The following SLC1A1 variants were observed in gnomAD, a reference collection of about 807,000 sequenced individuals.
SLC1A1 encodes the protein solute carrier family 1 member 1.
In SLC1A1, 43 loss-of-function variants were observed where a neutral mutation model predicts 53.3. The observed-to-expected ratio is 0.81, with a 90% CI of 0.63 to 1.04. The LOEUF (loss-of-function observed/expected upper bound fraction) is 1.04. Among genes scored for constraint, SLC1A1 ranks in the 50% least tolerant of loss-of-function variants. The pLI is 0.00. For synonymous variants in SLC1A1, 307 were observed against 243.2 expected, an observed-to-expected ratio of 1.26 and a Z score of -2.44; for missense variants, 748 against 664.9, an observed-to-expected ratio of 1.12 and a Z score of -1.37.
chr9:4,565,990 T>A, intron 4 of SLC1A1, 57 bp from the exon 5 acceptor site: 2 of 1,264,692 alleles, frequency 1.6e-6, no homozygotes, highest in Non-Finnish European at 2.3e-6. Context: ...ATATATTAGG[T>A]ATGACAAAAC....
rs116224234 is a variant in SLC1A1, at chr9:4,517,656, A to G, written c.91+26886A>G. Reference sequence around the variant, plus strand: ...TTGCAGAGGTATGTGGGCTGAGCTCACAAAATTTAACAATTGTTTTTAGCT... The same window carrying G: ...TTGCAGAGGTATGTGGGCTGAGCTCGCAAAATTTAACAATTGTTTTTAGCT... On this transcript the variant is annotated intron_variant, in intron 1 of 11. Transcript: ENST00000262352. Among the ~76,000 whole-genome samples the G allele has an allele frequency of 5.4e-3, 818 of 152,350 alleles. 8 individuals are homozygous for G. Among genetic ancestry groups the G allele is most frequent in the African/African-American group, 0.019 (773 of 41,580 alleles).
chr9:4,492,450 C>G (rs1430154180), intron 1 of SLC1A1, among the ~76,000 whole-genome samples: 1 of 149,344 alleles, frequency 6.7e-6, no homozygotes, highest in African/African-American at 2.5e-5. Context: ...CCACTGCACT[C>G]CCGCCTGGGT....
In SLC1A1 at chr9:4,556,807, T is replaced by C. The variant is rs1355101004; in HGVS notation, c.233-4642T>C. On this transcript the variant is annotated intron_variant, in intron 2 of 11. Coordinates refer to ENST00000262352, the MANE Select transcript of SLC1A1 (RefSeq NM_004170.6). This position sits in a 1 kb window ranked among gnomAD's most constrained non-coding sequence, Gnocchi z 4.1. ...GTTGGGGGAGAAAATCTTACTCTTT[T>C]TATGTAAAAAAACACATGTATCATT... 2.0e-5 allele frequency among the ~76,000 whole-genome samples: 3 copies of C among 152,106 alleles called. No homozygotes were observed. Among genetic ancestry groups the C allele is most frequent in the Non-Finnish European group, 4.4e-5 (3 of 68,018 alleles).
At chr9:4,505,215 T>A (rs1447684994) in intron 1 of SLC1A1, among the ~76,000 whole-genome samples, 1 of 151,686 alleles carries the variant, frequency 6.6e-6, no homozygotes, top group Non-Finnish European at 1.5e-5. Flanking sequence ...CCTAGCTAAT[T>A]TTTTTGTATT....
At chr9:4,501,234 A>G (rs1399484892) in intron 1 of SLC1A1, among the ~76,000 whole-genome samples, 3 of 151,364 alleles carry the variant, frequency 2.0e-5, no homozygotes, top group African/African-American at 7.3e-5. Flanking sequence ...CCCAGGCTGG[A>G]GTGTAGTAGT....
chr9:4,524,927 C>T (rs1307410767), intron 1 of SLC1A1, among the ~76,000 whole-genome samples: 2 of 152,108 alleles, frequency 1.3e-5, no homozygotes, highest in African/African-American at 4.8e-5. Flanking sequence ...AGGGATCCAG[C>T]TCATGACCCC....
intron 5 of SLC1A1, among the ~76,000 whole-genome samples, 182 bp from the exon 6 acceptor site, chr9:4,567,487 C>A (rs1403224850): frequency 6.6e-6 from 1 of 152,106 alleles, no homozygotes; most frequent in African/African-American, 2.4e-5. Flanking sequence ...ATTTCTGCCT[C>A]GCTTTTAGTT....
At position 4,549,038 on chromosome 9, in the gene SLC1A1, T is replaced by G. The variant is rs975874848; in HGVS notation, c.232+4331T>G. 2.0e-5 allele frequency among the ~76,000 whole-genome samples: 3 copies of G among 152,166 alleles called. No homozygotes were observed. Among genetic ancestry groups the G allele is most frequent in the Non-Finnish European group, 4.4e-5 (3 of 68,018 alleles). The stretch of plus-strand genomic sequence containing the variant: ...AATTGTGGCTCTGGAAAAATCCTGG[T>G]CCAGCCAGTGAGTTTAAATTCAGGT... On this transcript the variant is annotated intron_variant, in intron 2 of 11. Coordinates refer to ENST00000262352, the MANE Select transcript of SLC1A1 (RefSeq NM_004170.6). The surrounding 1 kb of genome is among the most constrained non-coding windows in gnomAD (Gnocchi z 4.1).
chr9:4,580,058 C>T (rs1820911226), intron 10 of SLC1A1, among the ~76,000 whole-genome samples: 1 of 151,778 alleles, frequency 6.6e-6, no homozygotes, highest in Admixed American at 6.6e-5. Flanking sequence ...CCATGTTTAC[C>T]AAAAATATTC....
At chr9:4,497,468 A>ATT (rs1389717887) in intron 1 of SLC1A1, among the ~76,000 whole-genome samples, 2 of 152,308 alleles carry the variant, frequency 1.3e-5, no homozygotes, top group African/African-American at 4.8e-5. Context: ...TACCTATCAC[A>ATT]TTGCACAGTA....
At chr9:4,492,134 C>T (rs551668203) in intron 1 of SLC1A1, among the ~76,000 whole-genome samples, 2 of 151,896 alleles carry the variant, frequency 1.3e-5, no homozygotes, top group Non-Finnish European at 2.9e-5. Context: ...CAAGAAGTGC[C>T]AAGTGGTTTT....
At chr9:4,538,706 C>T (rs1409282595) in intron 1 of SLC1A1, among the ~76,000 whole-genome samples, 1 of 152,158 alleles carries the variant, frequency 6.6e-6, no homozygotes, top group African/African-American at 2.4e-5. Flanking sequence ...TTATGGACTC[C>T]AGCATCTGTG....
At chr9:4,529,851 TCAC>T (rs1476987048) in intron 1 of SLC1A1, among the ~76,000 whole-genome samples, 5 of 152,154 alleles carry the variant, frequency 3.3e-5, no homozygotes, top group Non-Finnish European at 7.4e-5. Context: ...CTTGATTACT[TCAC>T]CACAATAGTG....
At chr9:4,551,338 C>A (rs1198872603) in intron 2 of SLC1A1, among the ~76,000 whole-genome samples, 1 of 152,032 alleles carries the variant, frequency 6.6e-6, no homozygotes, top group Non-Finnish European at 1.5e-5. Flanking sequence ...CAGTTTTATT[C>A]AGCTAACATT....
intron 10 of SLC1A1, among the ~76,000 whole-genome samples, chr9:4,580,756 T>C (rs1327765285): frequency 6.6e-6 from 1 of 151,750 alleles, no homozygotes; most frequent in East Asian, 1.9e-4. Flanking sequence ...GTTGTTGTAA[T>C]AGTTGTTGTT....
rs77785435 is a variant in SLC1A1 at position 4,585,924 on chromosome 9, T to C, written c.*366T>C. On this transcript the variant is annotated 3_prime_UTR_variant, in exon 12 of 12. Transcript: ENST00000262352. ...TGTTTTGGGTTTTTAAAAAAAATAT[T>C]CTGTCATTGGTTACAAATTTTTACT... 1,433 of 199,572 alleles carry C rather than the reference T, an allele frequency of 7.2e-3. 25 individuals are homozygous for C. The highest frequency in any genetic ancestry group is 0.031 in the African/African-American group (1,335 of 42,422). The allele number at this position is 199,572 out of a possible 1,614,324, so 12.4% of individuals were successfully genotyped here. A position where few individuals can be genotyped will look rare whatever the true frequency, so the allele number is the denominator to read the frequency against.
chr9:4,504,559 C>T (rs550196970), intron 1 of SLC1A1, among the ~76,000 whole-genome samples: 13 of 152,292 alleles, frequency 8.5e-5, no homozygotes, highest in African/African-American at 1.9e-4. Flanking sequence ...TTTCTGCTGC[C>T]GCTTCTTGGA....
At chr9:4,527,151 C>A (rs1816291834) in intron 1 of SLC1A1, among the ~76,000 whole-genome samples, 1 of 152,118 alleles carries the variant, frequency 6.6e-6, no homozygotes, top group African/African-American at 2.4e-5. Flanking sequence ...CCCCTGTTGA[C>A]AGCCAGTAAG....
rs187309325 is a variant in SLC1A1 at position 4,554,968 on chromosome 9, G to A, written c.233-6481G>A. 1.7e-4 allele frequency among the ~76,000 whole-genome samples: 26 copies of A among 152,320 alleles called. No homozygotes were observed. The East Asian group carries it at 4.8e-3, about 28-fold the overall frequency. ...CACTGTGTTCTGGGCACTGTACTAG[G>A]CCTGTTATAGACATTATTTCTAATC... On this transcript the variant is annotated intron_variant, in intron 2 of 11. Transcript: ENST00000262352.
Sources: allele counts gnomAD v4.1 joint callset (sites outside exome capture counted in the v4.1 genomes callset), GRCh38; gene constraint gnomAD v4.1.1; non-coding constraint Gnocchi (gnomAD v3.1); transcripts MANE v1.5; gene names NCBI Gene and HGNC (gene_info 2026-07-23, HGNC 2026-07-21).